The following KLHL5 variants were observed in gnomAD, a reference collection of about 807,000 sequenced individuals.
KLHL5 encodes the protein kelch-like protein 5.
Under a neutral mutation model 77.7 loss-of-function variants are expected in KLHL5, and 48 were observed. That is an observed-to-expected ratio of 0.62 (90% confidence interval 0.49 to 0.79). The LOEUF (loss-of-function observed/expected upper bound fraction) is 0.79. Ranked by LOEUF, KLHL5 falls within the 30% of genes least tolerant of loss-of-function variation. KLHL5 has a pLI of 0.00. For synonymous variants in KLHL5, 260 were observed against 297.0 expected (o/e 0.88, Z 1.28); for missense variants, 723 against 859.7 (o/e 0.84, Z 1.99).
intron 6 of KLHL5, among the ~76,000 whole-genome samples, chr4:39,099,329 T>C (rs1204598137): frequency 5.3e-5 from 8 of 152,068 alleles, no homozygotes; most frequent in Admixed American, 3.3e-4. Flanking sequence ...ATAAACACTA[T>C]GCACAGTGCC....
chr4:39,062,140 G>T, upstream of KLHL5: 1 of 630,108 alleles, frequency 1.6e-6, no homozygotes, highest in Non-Finnish European at 2.0e-6. Flanking sequence ...GTTTTAAAGT[G>T]ATTATTTTTA....
rs1342745142 is a variant in KLHL5, at chr4:39,123,775, T to G, written c.*2709T>G. On this transcript the variant is annotated 3_prime_UTR_variant, in exon 11 of 11. Transcript: ENST00000504108. ...AACATAATAGCAAAACATTGAAAAT[T>G]TTTCCCCTAATATCATGAAAATTCC... Among the ~76,000 whole-genome samples the G allele has an allele frequency of 1.3e-5, 2 of 151,988 alleles. No individual in the cohort carries two copies. The highest frequency in any genetic ancestry group is 4.8e-5 in the African/African-American group (2 of 41,382).
At chr4:39,101,483 G>GA (rs57147528) in intron 6 of KLHL5, among the ~76,000 whole-genome samples, 34,305 of 151,714 alleles carry the variant, frequency 0.23, 4,214 homozygotes, top group East Asian at 0.34. Context: ...AAACTATAAA[G>GA]AAAAAGTATT....
intron 1 of KLHL5, among the ~76,000 whole-genome samples, chr4:39,070,194 G>T (rs1385104079): frequency 1.3e-5 from 2 of 152,114 alleles, no homozygotes; most frequent in Non-Finnish European, 1.5e-5. Flanking sequence ...TTATTGGCCA[G>T]GCCTCATTGG....
intron 5 of KLHL5, among the ~76,000 whole-genome samples, chr4:39,094,878 A>G (rs1377526826): frequency 6.6e-6 from 1 of 152,122 alleles, no homozygotes; most frequent in Non-Finnish European, 1.5e-5. Flanking sequence ...ACATGGATCA[A>G]TGGCCTAAAT....
At chr4:39,126,749 C>T, downstream of KLHL5, 2 of 455,992 alleles carry the variant, frequency 4.4e-6, no homozygotes, top group South Asian at 3.1e-5. Flanking sequence ...ATCAAGCAGA[C>T]CATCTGGAGG....
At chr4:39,058,952 A>G (rs1214440627), upstream of KLHL5, among the ~76,000 whole-genome samples, 1 of 152,182 alleles carries the variant, frequency 6.6e-6, no homozygotes, top group Non-Finnish European at 1.5e-5. Context: ...CTGCTATGAA[A>G]AAAATTAGGA....
intron 1 of KLHL5, among the ~76,000 whole-genome samples, chr4:39,075,451 T>C (rs533872541): frequency 4.6e-5 from 7 of 152,200 alleles, no homozygotes; most frequent in Non-Finnish European, 1.0e-4. Context: ...ACCTGTAATA[T>C]AAGTTATAGA....
At chr4:39,098,191 T>C (rs1721238011) in intron 6 of KLHL5, among the ~76,000 whole-genome samples, 1 of 152,018 alleles carries the variant, frequency 6.6e-6, no homozygotes, top group Non-Finnish European at 1.5e-5. Flanking sequence ...TTTGGTCTTA[T>C]AATTTCTCAT....
chr4:39,117,996 G>C (rs543458472), intron 10 of KLHL5, among the ~76,000 whole-genome samples: 37 of 150,498 alleles, frequency 2.5e-4, no homozygotes, highest in Admixed American at 6.7e-4. Context: ...AGGAGGTGGA[G>C]ATTGCAGTGA....
At chr4:39,083,995 T>G (rs1719838580) in intron 4 of KLHL5, among the ~76,000 whole-genome samples, 1 of 152,256 alleles carries the variant, frequency 6.6e-6, no homozygotes, top group Non-Finnish European at 1.5e-5. Flanking sequence ...AGGCAGCTTG[T>G]CTGATTTGAA....
intron 2 of KLHL5, among the ~76,000 whole-genome samples, chr4:39,077,680 TAAAG>T (rs1388623643): frequency 5.3e-5 from 7 of 133,062 alleles, no homozygotes; most frequent in South Asian, 2.4e-4. Flanking sequence ...GGATATTCCT[TAAAG>T]AACTAAAGGT....
chr4:39,079,899 C>G (rs1330821773), intron 2 of KLHL5, among the ~76,000 whole-genome samples: 1 of 152,114 alleles, frequency 6.6e-6, no homozygotes, highest in African/African-American at 2.4e-5. Flanking sequence ...ATTTGAAAAA[C>G]CTCACTAGCA....
intron 1 of KLHL5, among the ~76,000 whole-genome samples, chr4:39,069,455 TATATATATATATATATATAC>T (rs1280927712): frequency 0.015 from 535 of 36,330 alleles, 3 homozygotes; most frequent in East Asian, 0.12. Flanking sequence ...TATATATATA[TATATATATATATATATATAC>T]ACACACACAC....
chr4:39,102,892 T>A (rs996929103), intron 6 of KLHL5, among the ~76,000 whole-genome samples: 1 of 152,236 alleles, frequency 6.6e-6, no homozygotes, highest in African/African-American at 2.4e-5. Context: ...TGTGGCTAAA[T>A]CCAATAATAC....
upstream of KLHL5, among the ~76,000 whole-genome samples, chr4:39,060,078 G>GT (rs569711743): frequency 5.0e-4 from 76 of 151,934 alleles, no homozygotes; most frequent in African/African-American, 1.4e-3. Context: ...TAATAAATTG[G>GT]TTTTTTTACA....
At chr4:39,142,352 G>A in the KLHL5 span, among the ~76,000 whole-genome samples, 100 of 150,422 alleles carry the variant, frequency 6.6e-4, no homozygotes, top group African/African-American at 2.2e-3. Flanking sequence ...CTGAGATCGC[G>A]CCATTGCACT....
intron 4 of KLHL5, among the ~76,000 whole-genome samples, chr4:39,085,606 T>C (rs1014049116): frequency 6.6e-6 from 1 of 152,202 alleles, no homozygotes; most frequent in Non-Finnish European, 1.5e-5. Flanking sequence ...GATGGTATGT[T>C]TTCCTTCTCT....
chr4:39,087,059 T>A (rs1232149751), intron 5 of KLHL5, among the ~76,000 whole-genome samples: 1 of 151,962 alleles, frequency 6.6e-6, no homozygotes, highest in East Asian at 1.9e-4. Flanking sequence ...TACAGGTGCA[T>A]GCCACCATGC....
Sources: allele counts gnomAD v4.1 joint callset (sites outside exome capture counted in the v4.1 genomes callset), GRCh38; gene constraint gnomAD v4.1.1; transcripts MANE v1.5; gene names NCBI Gene and HGNC (gene_info 2026-07-23, HGNC 2026-07-21).